Variants in SLC24A2 observed in about 807,000 individuals in gnomAD.
SLC24A2 encodes sodium/potassium/calcium exchanger 2.
A neutral mutation model predicts 62.0 loss-of-function variants in SLC24A2; 36 were observed. That is an observed-to-expected ratio of 0.58 (90% CI 0.44 to 0.77). The LOEUF is 0.77. Ranked by LOEUF, SLC24A2 falls within the 30% of genes least tolerant of loss-of-function variation. The probability of loss-of-function intolerance (pLI) is 0.00; values close to 1 mark genes in which losing one functional copy is unlikely to be tolerated. For synonymous variants in SLC24A2, 358 were observed against 294.0 expected (o/e 1.22, Z -2.23); for missense variants, 846 against 817.9 (o/e 1.03, Z -0.42).
the SLC24A2 span, among the ~76,000 whole-genome samples, chr9:20,010,790 T>C: frequency 8.0e-6 from 1 of 124,494 alleles, no homozygotes; most frequent in Non-Finnish European, 1.6e-5. Flanking sequence ...CCCTGGTGTG[T>C]GATGTTCCCC....
the SLC24A2 span, among the ~76,000 whole-genome samples, chr9:20,250,935 G>A: frequency 6.6e-6 from 1 of 152,044 alleles, no homozygotes; most frequent in East Asian, 1.9e-4. Flanking sequence ...TCCTCGAAGC[G>A]CACTTCTCAC....
chr9:20,185,008 C>T, the SLC24A2 span, among the ~76,000 whole-genome samples: 2 of 152,110 alleles, frequency 1.3e-5, no homozygotes, highest in African/African-American at 4.8e-5. Context: ...AAAACAAATA[C>T]TCCATGATCT....
chr9:19,699,596 C>G (rs13285241), intron 2 of SLC24A2, among the ~76,000 whole-genome samples: 28,280 of 151,990 alleles, frequency 0.19, 2,833 homozygotes, highest in Middle Eastern at 0.24. Flanking sequence ...GCATATTAAA[C>G]TATATATGAC....
chr9:19,615,433 A>C (rs1817742292), intron 4 of SLC24A2, among the ~76,000 whole-genome samples: 1 of 152,226 alleles, frequency 6.6e-6, no homozygotes, highest in South Asian at 2.1e-4. Context: ...ATGTGAATTC[A>C]AGTGATTAGA....
chr9:20,097,393 A>C, the SLC24A2 span, among the ~76,000 whole-genome samples: 1 of 152,194 alleles, frequency 6.6e-6, no homozygotes, highest in Non-Finnish European at 1.5e-5. Context: ...TTATCTAACA[A>C]ATTTAGTCTT....
chr9:19,508,130 T>G lies in SLC24A2; in HGVS notation c.*8023A>C, dbSNP rs7854673. 1 of 152,214 alleles carries G rather than the reference T, an allele frequency of 6.6e-6. No individual in the cohort carries two copies. Among genetic ancestry groups the G allele is most frequent in the Non-Finnish European group, 1.5e-5 (1 of 68,000 alleles). The allele number at this position is 152,214 out of a possible 1,614,324, so 9.4% of individuals were successfully genotyped here. A position where few individuals can be genotyped will look rare whatever the true frequency, so the allele number is the denominator to read the frequency against. ...CTTTTTAAGTATGTGGATTGCTTGA[T>G]GGTGGAAGCTGTTGCTTCCGGAGTT... On this transcript the variant is annotated 3_prime_UTR_variant, in exon 11 of 11. Coordinates refer to ENST00000341998, the MANE Select transcript of SLC24A2 (RefSeq NM_020344.4).
At chr9:20,294,556 T>C in the SLC24A2 span, among the ~76,000 whole-genome samples, 8 of 152,294 alleles carry the variant, frequency 5.3e-5, no homozygotes, top group African/African-American at 9.6e-5. Flanking sequence ...CTCAATGCTT[T>C]CTTAAGATAC....
the SLC24A2 span, among the ~76,000 whole-genome samples, chr9:20,296,873 T>A: frequency 6.6e-6 from 1 of 152,230 alleles, no homozygotes; most frequent in Non-Finnish European, 1.5e-5. Flanking sequence ...CCTGACTGTT[T>A]ATGCTTGCAA....
chr9:19,697,734 A>C (rs2118505730), intron 2 of SLC24A2, among the ~76,000 whole-genome samples: 1 of 152,314 alleles, frequency 6.6e-6, no homozygotes, highest in South Asian at 2.1e-4. Flanking sequence ...TTTAAAGAAA[A>C]AGATCCTCAA....
At chr9:19,934,297 T>TA in the SLC24A2 span, among the ~76,000 whole-genome samples, 1 of 152,106 alleles carries the variant, frequency 6.6e-6, no homozygotes, top group Non-Finnish European at 1.5e-5. This position sits in a 1 kb window ranked among gnomAD's most constrained non-coding sequence, Gnocchi z 4.1. Flanking sequence ...TCCGTCCCCT[T>TA]CCCAACAGGC....
the SLC24A2 span, among the ~76,000 whole-genome samples, chr9:20,028,054 G>C: frequency 6.6e-6 from 1 of 152,178 alleles, no homozygotes; most frequent in Admixed American, 6.5e-5. Flanking sequence ...AAGCTGTGCA[G>C]GGGAGACCCC....
the SLC24A2 span, among the ~76,000 whole-genome samples, chr9:19,828,174 T>C: frequency 3.9e-5 from 6 of 152,114 alleles, no homozygotes; most frequent in African/African-American, 1.4e-4. Context: ...GATACAAAAA[T>C]ACAGTGAATG....
chr9:19,595,293 CTTG>C (rs1245838388), intron 5 of SLC24A2, among the ~76,000 whole-genome samples: 1 of 151,956 alleles, frequency 6.6e-6, no homozygotes, highest in East Asian at 1.9e-4. Context: ...TCTTTTTTTC[CTTG>C]TTGTTGAAAA....
the SLC24A2 span, among the ~76,000 whole-genome samples, chr9:20,226,228 C>A: frequency 6.6e-6 from 1 of 152,052 alleles, no homozygotes; most frequent in Non-Finnish European, 1.5e-5. Context: ...ACCATAGTGC[C>A]ATAAGAAAAG....
At chr9:20,087,149 G>A in the SLC24A2 span, among the ~76,000 whole-genome samples, 1 of 152,206 alleles carries the variant, frequency 6.6e-6, no homozygotes, top group Admixed American at 6.5e-5. Context: ...CTGAGGATTG[G>A]AAGTTAGAGA....
intron 4 of SLC24A2, among the ~76,000 whole-genome samples, chr9:19,613,054 T>A (rs1817657362): frequency 6.6e-6 from 1 of 152,182 alleles, no homozygotes. Flanking sequence ...TGATGAGATA[T>A]ATAAGAGACA....
At chr9:19,573,549 G>GAA in intron 6 of SLC24A2, 80 bp from the exon 7 acceptor site, 1 of 857,694 alleles carries the variant, frequency 1.2e-6, no homozygotes, top group East Asian at 2.6e-5. Context: ...GAGAGAGAGA[G>GAA]AGAGAAAGCA....
At chr9:19,714,885 T>C (rs1043366914) in intron 2 of SLC24A2, among the ~76,000 whole-genome samples, 3 of 152,178 alleles carry the variant, frequency 2.0e-5, no homozygotes, top group African/African-American at 7.2e-5. Context: ...TATCTGCTAC[T>C]TTGTAGAGTA....
chr9:20,162,856 A>G, the SLC24A2 span, among the ~76,000 whole-genome samples: 1 of 152,178 alleles, frequency 6.6e-6, no homozygotes, highest in African/African-American at 2.4e-5. Context: ...AATCCAGCAC[A>G]TAATCAGCAC....
Sources: gnomAD v4.1 joint callset for allele counts (sites outside exome capture counted in the v4.1 genomes callset) on GRCh38, gnomAD v4.1.1 for gene constraint, Gnocchi (gnomAD v3.1) non-coding constraint, MANE v1.5 for transcripts, NCBI Gene and HGNC (gene_info 2026-07-23, HGNC 2026-07-21) for gene names.